Variants in RGS7 observed in about 807,000 individuals in gnomAD.
RGS7 encodes the protein regulator of G-protein signaling 7.
A neutral mutation model predicts 81.1 loss-of-function variants in RGS7; 27 were observed. The ratio of observed to expected loss-of-function variants is 0.33; its 90% CI spans 0.25 to 0.46. The LOEUF is 0.46. Ranked by LOEUF, RGS7 falls within the 20% of genes least tolerant of loss-of-function variation. The pLI, the probability that RGS7 is intolerant of heterozygous loss-of-function variation, is 1.00. For missense variants in RGS7, 396 were observed against 607.4 expected (o/e 0.65, Z 3.66); for synonymous variants, 208 against 207.7 (o/e 1.00, Z -0.01).
intron 2 of RGS7, among the ~76,000 whole-genome samples, chr1:241,280,347 T>C (rs1400064292): frequency 6.6e-6 from 1 of 152,168 alleles, no homozygotes; most frequent in Non-Finnish European, 1.5e-5. Flanking sequence ...GGCCTGCTGA[T>C]ACCTCAATCT....
intron 2 of RGS7, among the ~76,000 whole-genome samples, chr1:241,200,675 C>T (rs186117759): frequency 2.2e-3 from 338 of 152,326 alleles, no homozygotes; most frequent in Non-Finnish European, 3.7e-3. Flanking sequence ...AAACCGTCTT[C>T]CTAAAGCTCC....
rs147292828 is a variant in RGS7, at chr1:241,336,992, T to C, written c.78+18707A>G. The stretch of plus-strand genomic sequence containing the variant: ...AACCCAGTAGGGAAGTAGCTTGGTA[T>C]AGTTTAGAGAAAAACAAGATGTGGA... On this transcript the variant is annotated intron_variant, in intron 2 of 18. Transcript: ENST00000440928. Among the ~76,000 whole-genome samples, 248 of 152,274 alleles carry C rather than the reference T, an allele frequency of 1.6e-3. 2 individuals are homozygous for C. Among genetic ancestry groups the C allele is most frequent in the African/African-American group, 5.7e-3 (238 of 41,552 alleles).
intron 3 of RGS7, among the ~76,000 whole-genome samples, chr1:241,020,257 C>A (rs748204986): frequency 1.3e-5 from 2 of 152,114 alleles, no homozygotes; most frequent in Non-Finnish European, 2.9e-5. Flanking sequence ...CTAGGGCTGT[C>A]ATAAAAATTA....
chr1:241,230,205 A>G (rs2075573205), intron 2 of RGS7, among the ~76,000 whole-genome samples: 1 of 152,060 alleles, frequency 6.6e-6, no homozygotes, highest in South Asian at 2.1e-4. Flanking sequence ...CACAAAAACT[A>G]ATTTTTATTT....
At chr1:241,014,202 T>A (rs2059111016) in intron 3 of RGS7, among the ~76,000 whole-genome samples, 1 of 152,216 alleles carries the variant, frequency 6.6e-6, no homozygotes, top group Admixed American at 6.5e-5. Context: ...ACCTTTCATT[T>A]TCTACATTTT....
intron 2 of RGS7, among the ~76,000 whole-genome samples, chr1:241,113,506 G>C (rs4259630): frequency 0.54 from 82,751 of 151,970 alleles, 25,906 homozygotes; most frequent in African/African-American, 0.85. Flanking sequence ...AAAACAATAG[G>C]TTTTTTATTG....
chr1:240,839,301 T>A (rs1695220031), intron 9 of RGS7, among the ~76,000 whole-genome samples: 1 of 152,086 alleles, frequency 6.6e-6, no homozygotes, highest in Non-Finnish European at 1.5e-5. Flanking sequence ...TGCCACAGGG[T>A]CTCACATTTT....
intron 6 of RGS7, among the ~76,000 whole-genome samples, chr1:240,901,202 C>T (rs1195451902): frequency 1.3e-5 from 2 of 152,164 alleles, no homozygotes; most frequent in African/African-American, 4.8e-5. Context: ...CACAGCTTCC[C>T]TTGGCTAGGA....
chr1:240,775,960 A>G lies in RGS7; in HGVS notation c.*260T>C. ...GACACAGATCCAGCATAGTAGAAGGAGAAAGAAAGCAGACAACAGTTTGGA... is the reference window on the plus strand; with the variant it reads ...GACACAGATCCAGCATAGTAGAAGGGGAAAGAAAGCAGACAACAGTTTGGA... On this transcript the variant is annotated 3_prime_UTR_variant, in exon 19 of 19. Coordinates refer to ENST00000440928, the MANE Select transcript of RGS7 (RefSeq NM_001364886.1). The G allele has an allele frequency of 1.7e-6, 1 of 596,176 alleles. No individual in the cohort carries two copies. Among genetic ancestry groups the G allele is most frequent in the South Asian group, 2.0e-5 (1 of 50,484 alleles). The allele number at this position is 596,176 out of a possible 1,614,324, so 36.9% of individuals were successfully genotyped here.
chr1:241,126,063 T>C (rs1000605456), intron 2 of RGS7, among the ~76,000 whole-genome samples: 1 of 152,168 alleles, frequency 6.6e-6, no homozygotes, highest in African/African-American at 2.4e-5. Flanking sequence ...TAACGTTGCC[T>C]TACAAAGAGT....
At chr1:241,165,810 G>GA (rs902675225) in intron 2 of RGS7, among the ~76,000 whole-genome samples, 238 of 141,756 alleles carry the variant, frequency 1.7e-3, no homozygotes, top group Non-Finnish European at 2.5e-3. Flanking sequence ...AACCAGCCCT[G>GA]AAAAAAAAAA....
At chr1:241,145,734 A>G (rs563738005) in intron 2 of RGS7, among the ~76,000 whole-genome samples, 7 of 152,276 alleles carry the variant, frequency 4.6e-5, no homozygotes, top group African/African-American at 1.7e-4. Flanking sequence ...ACAGAGTGAG[A>G]CTCTGTCCAA....
intron 3 of RGS7, among the ~76,000 whole-genome samples, chr1:241,040,940 A>G (rs1476494516): frequency 6.6e-6 from 1 of 152,196 alleles, no homozygotes; most frequent in Non-Finnish European, 1.5e-5. Context: ...ACTCCCTCTC[A>G]TGTAAAAATT....
chr1:240,894,392 T>C (rs375653480), intron 6 of RGS7, among the ~76,000 whole-genome samples: 22 of 152,290 alleles, frequency 1.4e-4, no homozygotes, highest in South Asian at 8.3e-4. Flanking sequence ...TGCTTGTTTC[T>C]TGTGCTCTCC....
intron 2 of RGS7, among the ~76,000 whole-genome samples, chr1:241,278,235 C>A (rs1300883957): frequency 1.3e-5 from 2 of 152,098 alleles, no homozygotes; most frequent in African/African-American, 4.8e-5. Flanking sequence ...TTCATGACCT[C>A]TTATATTCAT....
chr1:241,352,617 G>A (rs72762407), intron 2 of RGS7, among the ~76,000 whole-genome samples: 966 of 152,256 alleles, frequency 6.3e-3, no homozygotes, highest in Non-Finnish European at 9.6e-3. Flanking sequence ...ACCCTAATCC[G>A]GATCATGAAG....
At chr1:241,006,662 T>C (rs1019074821) in intron 3 of RGS7, among the ~76,000 whole-genome samples, 4 of 152,164 alleles carry the variant, frequency 2.6e-5, no homozygotes, top group African/African-American at 7.2e-5. Context: ...GAGAGAATTA[T>C]AAATAAGGAA....
rs761079653 is a variant in RGS7 at position 240,776,116 on chromosome 1, G to A, written c.*104C>T. On this transcript the variant is annotated 3_prime_UTR_variant, in exon 19 of 19. Transcript: ENST00000440928. ...CCAGGTCACAACATTGAGCTACAAA[G>A]TGTGTGCAGTGACTCCAGTCTGCAT... 7.2e-7 allele frequency: 1 copy of A among 1,392,504 alleles called. No homozygotes were observed. Among genetic ancestry groups the A allele is most frequent in the South Asian group, 1.2e-5 (1 of 86,560 alleles). 86.3% of individuals were successfully genotyped at this position (1,392,504 alleles called of 1,614,324 possible). A position where few individuals can be genotyped will look rare whatever the true frequency, so the allele number is the denominator to read the frequency against.
At chr1:241,193,701 C>T (rs1056481427) in intron 2 of RGS7, among the ~76,000 whole-genome samples, 2 of 152,148 alleles carry the variant, frequency 1.3e-5, no homozygotes, top group East Asian at 3.9e-4. Flanking sequence ...GGTCTGGAAA[C>T]AGGCAGTACA....
Sources: allele counts gnomAD v4.1 joint callset (sites outside exome capture counted in the v4.1 genomes callset), GRCh38; gene constraint gnomAD v4.1.1; transcripts MANE v1.5; gene names NCBI Gene and HGNC (gene_info 2026-07-23, HGNC 2026-07-21).